The following CNTN2 variants were observed in gnomAD, a reference collection of about 807,000 sequenced individuals.
CNTN2 encodes the protein contactin-2.
In CNTN2, 53 loss-of-function variants were observed where a neutral mutation model predicts 117.5. The ratio of observed to expected loss-of-function variants is 0.45; its 90% CI spans 0.36 to 0.57. The LOEUF (loss-of-function observed/expected upper bound fraction) is 0.57. Ranked by LOEUF, CNTN2 falls within the 20% of genes least tolerant of loss-of-function variation. CNTN2 has a pLI of 0.00. For missense variants in CNTN2, 1,106 were observed against 1,404.3 expected (o/e 0.79, Z 3.39); for synonymous variants, 530 against 561.7 (o/e 0.94, Z 0.80).
chr1:205,070,354 C>A, intron 18 of CNTN2, 72 bp from the exon 19 acceptor site: 1 of 1,099,112 alleles, frequency 9.1e-7, no homozygotes, highest in Non-Finnish European at 1.3e-6. Flanking sequence ...CAAAGGCAAT[C>A]CTGGTTGGGG....
intron 1 of CNTN2, among the ~76,000 whole-genome samples, chr1:205,052,864 AG>A (rs964991778): frequency 2.0e-5 from 3 of 152,202 alleles, no homozygotes; most frequent in African/African-American, 7.2e-5. Context: ...GAATGGGGGC[AG>A]GTGGGGGTAC....
At chr1:205,071,725 T>C (rs1461905305) in intron 19 of CNTN2, among the ~76,000 whole-genome samples, 2 of 152,148 alleles carry the variant, frequency 1.3e-5, no homozygotes, top group African/African-American at 4.8e-5. Context: ...CCCTGACCCA[T>C]GTCTTGAGCA....
At chr1:205,062,267 T>C (rs1395456398) in intron 9 of CNTN2, 173 bp from the exon 10 acceptor site, 2 of 969,976 alleles carry the variant, frequency 2.1e-6, no homozygotes, top group South Asian at 1.7e-5. Context: ...TGGGGAGGCC[T>C]GGGTAATCTG....
intron 1 of CNTN2, among the ~76,000 whole-genome samples, chr1:205,044,376 G>C (rs1257420565): frequency 6.6e-6 from 1 of 151,906 alleles, no homozygotes; most frequent in Non-Finnish European, 1.5e-5. Flanking sequence ...CAGTGCCTAT[G>C]GAAGGGGAGA....
At position 205,048,493 on chromosome 1, in the gene CNTN2, AGCCTGTGCTT is replaced by A. The variant is rs2096445825; in HGVS notation, c.-86-4598_-86-4589del. Among the ~76,000 whole-genome samples, 1 of 151,890 alleles carries A rather than the reference AGCCTGTGCTT, an allele frequency of 6.6e-6. No homozygotes were observed. Among genetic ancestry groups the A allele is most frequent in the Non-Finnish European group, 1.5e-5 (1 of 67,970 alleles). On this transcript the variant is annotated intron_variant, in intron 1 of 22. Transcript: ENST00000331830. The surrounding 1 kb of genome is among the most constrained non-coding windows in gnomAD (Gnocchi z 4.1). ...TGCAGGACCAGCCCCTGCTGATGAC[AGCCTGTGCTT>A]GCCTGTGCCAGTCTGTGCCTGCACC...
intron 2 of CNTN2, among the ~76,000 whole-genome samples, chr1:205,056,574 G>T (rs1385077695): frequency 2.0e-5 from 3 of 152,216 alleles, no homozygotes; most frequent in African/African-American, 7.2e-5. Context: ...CCTACCCCTG[G>T]AAGAGGACTG....
At chr1:205,046,304 A>C (rs549658303) in intron 1 of CNTN2, among the ~76,000 whole-genome samples, 13 of 152,314 alleles carry the variant, frequency 8.5e-5, no homozygotes, top group African/African-American at 3.1e-4. Flanking sequence ...AACGCATCTC[A>C]GTGTCCTTTT....
At position 205,070,307 on chromosome 1, in the gene CNTN2, G is replaced by T. The variant is rs770107864; in HGVS notation, c.2432-119G>T. The T allele has an allele frequency of 1.1e-5, 8 of 751,456 alleles. No individual in the cohort carries two copies. The African/African-American group carries it at 1.2e-4, about 12-fold the overall frequency. The allele number at this position is 751,456 out of a possible 1,614,324, so 46.5% of individuals were successfully genotyped here. A position where few individuals can be genotyped will look rare whatever the true frequency, so the allele number is the denominator to read the frequency against. ...AGCATTGCTTGGGGGGCTCCCACTC[G>T]GCCTTCATCCTGAAGGCTTTCCTCC... is the stretch of plus-strand genomic sequence containing the variant. On this transcript the variant is annotated intron_variant, in intron 18 of 22. Coordinates refer to ENST00000331830, the MANE Select transcript of CNTN2 (RefSeq NM_005076.5).
Position 205,061,799 on chromosome 1 carries a change from GT to G in CNTN2, c.974-64del. On this transcript the variant is annotated intron_variant, in intron 8 of 22. Transcript: ENST00000331830. This position sits in a 1 kb window ranked among gnomAD's most constrained non-coding sequence, Gnocchi z 4.8. Reference sequence around the variant, plus strand: ...ACAGGTGCTGCTGCCCTGATTTTCTGTTCCTTTTAATGAGCTGGAAGCTCCT... The same window carrying G: ...ACAGGTGCTGCTGCCCTGATTTTCTGTCCTTTTAATGAGCTGGAAGCTCCT... 1 of 1,480,074 alleles carries G rather than the reference GT, an allele frequency of 6.8e-7. No individual in the cohort carries two copies. Among genetic ancestry groups the G allele is most frequent in the Non-Finnish European group, 9.0e-7 (1 of 1,113,630 alleles). The allele number at this position is 1,480,074 out of a possible 1,614,324, so 91.7% of individuals were successfully genotyped here.
chr1:205,075,635 T>TA lies in CNTN2; in HGVS notation c.*1875dup, dbSNP rs1215745536. The TA allele has an allele frequency of 3.3e-5, 5 of 152,626 alleles. No individual in the cohort carries two copies. The allele number at this position is 152,626 out of a possible 1,614,324, so 9.5% of individuals were successfully genotyped here. On this transcript the variant is annotated 3_prime_UTR_variant, in exon 23 of 23. Coordinates refer to ENST00000331830, the MANE Select transcript of CNTN2 (RefSeq NM_005076.5). ...TTGATGTTTACCCACTACAATTTTT[T>TA]AAAAATATAAGCTCACATGCCTTTT... is the stretch of plus-strand genomic sequence containing the variant.
At position 205,073,259 on chromosome 1, in the gene CNTN2, A is replaced by T. The variant is rs1654689502; in HGVS notation, c.3013+23A>T. On this transcript the variant is annotated intron_variant, in intron 22 of 22. Coordinates refer to ENST00000331830, the MANE Select transcript of CNTN2 (RefSeq NM_005076.5). This position sits in a 1 kb window ranked among gnomAD's most constrained non-coding sequence, Gnocchi z 6.3. ...GAGGTGCTGCTCCTCCCCTACCCTT[A>T]TCCCCTCGAGAGATTCAGGATCCAC... The T allele has an allele frequency of 6.2e-7, 1 of 1,611,028 alleles. No homozygotes were observed. Among genetic ancestry groups the T allele is most frequent in the African/African-American group, 1.3e-5 (1 of 74,786 alleles).
chr1:205,073,326 A>T lies in CNTN2; in HGVS notation c.3013+90A>T. On this transcript the variant is annotated intron_variant, in intron 22 of 22. Coordinates refer to ENST00000331830, the MANE Select transcript of CNTN2 (RefSeq NM_005076.5). The surrounding 1 kb of genome is among the most constrained non-coding windows in gnomAD (Gnocchi z 6.3). ...ATCATTCCCACCCAGGCCAACTCCA[A>T]TCTCTACCCGCAAAGGAAAGTGGAA... The T allele has an allele frequency of 6.8e-7, 1 of 1,463,276 alleles. No individual in the cohort carries two copies. The highest frequency in any genetic ancestry group is 1.3e-5 in the South Asian group (1 of 78,778). The allele number at this position is 1,463,276 out of a possible 1,614,324, so 90.6% of individuals were successfully genotyped here.
At position 205,061,573 on chromosome 1, in the gene CNTN2, AGAG is replaced by A. The variant is rs1653985823; in HGVS notation, c.973+158_973+160del. 1 of 934,694 alleles carries A rather than the reference AGAG, an allele frequency of 1.1e-6. No homozygotes were observed. Among genetic ancestry groups the A allele is most frequent in the African/African-American group, 1.7e-5 (1 of 59,990 alleles). 57.9% of individuals were successfully genotyped at this position (934,694 alleles called of 1,614,324 possible). On this transcript the variant is annotated intron_variant, in intron 8 of 22. Coordinates refer to ENST00000331830, the MANE Select transcript of CNTN2 (RefSeq NM_005076.5). The surrounding 1 kb of genome is among the most constrained non-coding windows in gnomAD (Gnocchi z 4.8). The stretch of plus-strand genomic sequence containing the variant: ...CTAGGACTGCACTGAGTCTGGGACC[AGAG>A]GAGGCTAGTGCTGTGGTCACCTCAG...
At position 205,065,354 on chromosome 1, in the gene CNTN2, AC is replaced by A. The variant is rs1444849220; in HGVS notation, c.1695+95del. 7.2e-7 allele frequency: 1 copy of A among 1,389,254 alleles called. No homozygotes were observed. The highest frequency in any genetic ancestry group is 9.9e-7 in the Non-Finnish European group (1 of 1,007,430). 86.1% of individuals were successfully genotyped at this position (1,389,254 alleles called of 1,614,324 possible). ...CCTTAGCCATCCTCACCTTTAAGAA[AC>A]CCATAGCCTAAGCGCCCCCATTCCC... On this transcript the variant is annotated intron_variant, in intron 13 of 22. Coordinates refer to ENST00000331830, the MANE Select transcript of CNTN2 (RefSeq NM_005076.5). The surrounding 1 kb of genome is among the most constrained non-coding windows in gnomAD (Gnocchi z 4.1).
rs1389297105 is a variant in CNTN2, at chr1:205,070,432, G to T, written c.2438G>T (p.Arg813Met). The T allele has an allele frequency of 6.2e-7, 1 of 1,612,000 alleles. No homozygotes were observed. The highest frequency in any genetic ancestry group is 8.5e-7 in the Non-Finnish European group (1 of 1,178,670). The change falls in exon 19 of 23, where the codon AGG becomes ATG. Residue 813 changes from arginine (R) to methionine (M), a missense_variant. Coordinates refer to ENST00000331830, the MANE Select transcript of CNTN2 (RefSeq NM_005076.5). ...ATTCTGTATTGGTCCCCAGAGCCCAGGGTGGCCCCTACCAAGGTGTGGGCC... is the reference window on the plus strand; with the variant it reads ...ATTCTGTATTGGTCCCCAGAGCCCATGGTGGCCCCTACCAAGGTGTGGGCC... ...ALVYSAEEEP[R>M]VAPTKVWAKG...
rs1327806161 is a variant in CNTN2, at chr1:205,073,742, C to T, written c.3100C>T (p.Leu1034Phe). 1.2e-6 allele frequency: 2 copies of T among 1,613,826 alleles called. No individual in the cohort carries two copies. The highest frequency in any genetic ancestry group is 1.7e-6 in the Non-Finnish European group (2 of 1,180,020). ...TTCCCACTCCGTGGCGATGCTGATC[C>T]TCATAGGCTCCCTGGAGCTCTGATC... Reference protein sequence around the residue: ...VISHSVAMLILIGSLEL With the variant: ...VISHSVAMLIFIGSLEL The change falls in exon 23 of 23, where the codon CTC becomes TTC. Residue 1034 changes from leucine to phenylalanine, a missense_variant. Transcript: ENST00000331830. This position sits in a 1 kb window ranked among gnomAD's most constrained non-coding sequence, Gnocchi z 6.3.
intron 1 of CNTN2, among the ~76,000 whole-genome samples, chr1:205,052,538 G>T (rs1273542657): frequency 6.6e-6 from 1 of 152,190 alleles, no homozygotes; most frequent in East Asian, 1.9e-4. Flanking sequence ...TGGGGCCAAG[G>T]TCATGACTCC....
In CNTN2 at chr1:205,070,078, C is replaced by T; in HGVS notation, c.2431+17C>T. 6.2e-7 allele frequency: 1 copy of T among 1,609,882 alleles called. No individual in the cohort carries two copies. Among genetic ancestry groups the T allele is most frequent in the South Asian group, 1.1e-5 (1 of 90,936 alleles). On this transcript the variant is annotated intron_variant, in intron 18 of 22. Transcript: ENST00000331830. ...CTGAGGAAGGTGGGCTGCCCCTGGG[C>T]CCCCTGCTCGTCCCTACCCCAGCCA...
Position 205,077,767 on chromosome 1 carries a change from G to A in CNTN2, c.*4002G>A, listed in dbSNP as rs1311564973. On this transcript the variant is annotated 3_prime_UTR_variant, in exon 23 of 23. Coordinates refer to ENST00000331830, the MANE Select transcript of CNTN2 (RefSeq NM_005076.5). ...AGTGCCCTTAGATGGGATACATCTT[G>A]CCTCGGCCCCAAGACTCCTCCAACT... 6.6e-6 allele frequency: 1 copy of A among 152,256 alleles called. No homozygotes were observed. Among genetic ancestry groups the A allele is most frequent in the Non-Finnish European group, 1.5e-5 (1 of 68,100 alleles). 9.4% of individuals were successfully genotyped at this position (152,256 alleles called of 1,614,324 possible). A position where few individuals can be genotyped will look rare whatever the true frequency, so the allele number is the denominator to read the frequency against.
Sources: allele counts gnomAD v4.1 joint callset (sites outside exome capture counted in the v4.1 genomes callset), GRCh38; gene constraint gnomAD v4.1.1; non-coding constraint Gnocchi (gnomAD v3.1); transcripts MANE v1.5; gene names NCBI Gene and HGNC (gene_info 2026-07-23, HGNC 2026-07-21).